The following ULK4 variants were observed in gnomAD, a reference collection of about 807,000 sequenced individuals.
ULK4 encodes the protein inactive serine/threonine-protein kinase ULK4.
In ULK4, 133 loss-of-function variants were observed where a neutral mutation model predicts 160.6. The ratio of observed to expected loss-of-function variants is 0.83; its 90% CI spans 0.72 to 0.96. The LOEUF (loss-of-function observed/expected upper bound fraction) is 0.96. Ranked by LOEUF, ULK4 falls within the 40% of genes least tolerant of loss-of-function variation. ULK4 has a pLI of 0.00. For missense variants in ULK4, 1,580 were observed against 1,499.5 expected (o/e 1.05, Z -0.89); for synonymous variants, 534 against 539.8 (o/e 0.99, Z 0.15).
intron 17 of ULK4, chr3:41,882,120 T>C (rs1178235725): frequency 1.5e-6 from 1 of 688,042 alleles, no homozygotes; most frequent in African/African-American, 1.8e-5. Flanking sequence ...AAACACACCA[T>C]CTTCCAGGCA....
At chr3:41,604,305 T>C (rs2032262562) in intron 31 of ULK4, among the ~76,000 whole-genome samples, 1 of 152,098 alleles carries the variant, frequency 6.6e-6, no homozygotes, top group South Asian at 2.1e-4. Flanking sequence ...TGGGACTTTA[T>C]GATACATGTA....
chr3:41,735,864 CCA>C (rs1491525709), intron 22 of ULK4, among the ~76,000 whole-genome samples: 1 of 118,122 alleles, frequency 8.5e-6, no homozygotes, highest in Non-Finnish European at 1.7e-5. Flanking sequence ...ACAACAGTCC[CCA>C]GAGTGTGATG....
intron 35 of ULK4, among the ~76,000 whole-genome samples, chr3:41,290,955 C>G (rs1205782164): frequency 6.6e-6 from 1 of 152,236 alleles, no homozygotes; most frequent in African/African-American, 2.4e-5. Context: ...ACAACACAGG[C>G]AGTTGCCTGG....
intron 35 of ULK4, among the ~76,000 whole-genome samples, chr3:41,373,524 T>C (rs146031625): frequency 4.7e-4 from 71 of 152,314 alleles, no homozygotes; most frequent in African/African-American, 1.7e-3. Context: ...AACAACATGC[T>C]CCTGAATGAC....
chr3:41,390,496 G>C (rs1054563899), intron 35 of ULK4, among the ~76,000 whole-genome samples: 1 of 151,748 alleles, frequency 6.6e-6, no homozygotes, highest in Non-Finnish European at 1.5e-5. Flanking sequence ...TTTCTCTTAC[G>C]GGCATTTAGT....
chr3:41,263,173 T>A (rs956175529), intron 35 of ULK4, among the ~76,000 whole-genome samples: 1 of 152,252 alleles, frequency 6.6e-6, no homozygotes, highest in African/African-American at 2.4e-5. Context: ...CAAAGTGGGA[T>A]AGCTTCGGTC....
At chr3:41,622,669 T>C (rs1256310483) in intron 30 of ULK4, among the ~76,000 whole-genome samples, 1 of 152,080 alleles carries the variant, frequency 6.6e-6, no homozygotes, top group African/African-American at 2.4e-5. Flanking sequence ...AAAACCGAGA[T>C]GATGGGTTGA....
intron 32 of ULK4, among the ~76,000 whole-genome samples, chr3:41,479,993 G>A (rs757307298): frequency 6.6e-6 from 1 of 152,056 alleles, no homozygotes; most frequent in African/African-American, 2.4e-5. Flanking sequence ...GGATCGAGAG[G>A]TCAGGAGATC....
chr3:41,522,821 G>GGCCAGCTGTGT (rs1343737254), intron 32 of ULK4, among the ~76,000 whole-genome samples: 1 of 152,170 alleles, frequency 6.6e-6, no homozygotes, highest in Non-Finnish European at 1.5e-5. Flanking sequence ...CAGGGAACTT[G>GGCCAGCTGTGT]GCCAGCTGTG....
chr3:41,269,473 AG>A (rs1378139295), intron 35 of ULK4, among the ~76,000 whole-genome samples: 1 of 152,096 alleles, frequency 6.6e-6, no homozygotes, highest in Non-Finnish European at 1.5e-5. Context: ...CATGATCCAA[AG>A]GCTCCCTTAA....
chr3:41,785,402 A>G (rs920351542), intron 21 of ULK4, among the ~76,000 whole-genome samples: 2 of 152,220 alleles, frequency 1.3e-5, no homozygotes, highest in African/African-American at 4.8e-5. Flanking sequence ...ATAAACCAAC[A>G]TGTTAACAAA....
chr3:41,602,897 G>A (rs1397387278), intron 31 of ULK4, among the ~76,000 whole-genome samples: 2 of 151,872 alleles, frequency 1.3e-5, no homozygotes, highest in Admixed American at 6.6e-5. Context: ...TCTAAAAAAC[G>A]TTCATGTAAT....
In ULK4 at chr3:41,911,395, G is replaced by A. The variant is rs2148803147; in HGVS notation, c.1016-9C>T. On this transcript the variant is annotated splice_polypyrimidine_tract_variant and intron_variant, in intron 10 of 36. Coordinates refer to ENST00000301831, the MANE Select transcript of ULK4 (RefSeq NM_017886.4). ...AAACTCAGTTGGATTTTCTGTAGCA[G>A]GAAAGTAATATGTTATCCAGAAAAG... 4 of 1,613,898 alleles carry A rather than the reference G, an allele frequency of 2.5e-6. No individual in the cohort carries two copies. The highest frequency in any genetic ancestry group is 2.5e-6 in the Non-Finnish European group (3 of 1,179,858).
At chr3:41,438,826 G>A (rs998123310) in intron 34 of ULK4, among the ~76,000 whole-genome samples, 3 of 151,832 alleles carry the variant, frequency 2.0e-5, no homozygotes, top group Admixed American at 6.6e-5. Flanking sequence ...TGAGATCCCC[G>A]ACTCAAGAAA....
At chr3:41,550,075 T>C (rs2087005331) in intron 32 of ULK4, among the ~76,000 whole-genome samples, 1 of 151,908 alleles carries the variant, frequency 6.6e-6, no homozygotes, top group African/African-American at 2.4e-5. Context: ...ATCCTACATA[T>C]GAGAGGGAAA....
At chr3:41,499,397 CA>C (rs1036021767) in intron 32 of ULK4, among the ~76,000 whole-genome samples, 51 of 152,252 alleles carry the variant, frequency 3.3e-4, no homozygotes, top group African/African-American at 1.0e-3. Flanking sequence ...TAAATATTTG[CA>C]AAACCTCCAA....
chr3:41,629,695 A>C (rs1445575993), intron 30 of ULK4, among the ~76,000 whole-genome samples: 4 of 152,190 alleles, frequency 2.6e-5, no homozygotes, highest in Non-Finnish European at 5.9e-5. Context: ...GAAAAATTTA[A>C]AACTGCTTCT....
chr3:41,845,724 CTAT>C (rs2042055103), intron 17 of ULK4, among the ~76,000 whole-genome samples: 1 of 152,022 alleles, frequency 6.6e-6, no homozygotes, highest in Non-Finnish European at 1.5e-5. Context: ...CAGAGAGAAA[CTAT>C]TATTATTCTA....
chr3:41,495,809 C>G (rs1213262654), intron 32 of ULK4, among the ~76,000 whole-genome samples: 4 of 151,550 alleles, frequency 2.6e-5, no homozygotes, highest in Non-Finnish European at 4.4e-5. Context: ...ATTTACGCAG[C>G]CAAAAGACAC....
Sources: allele counts gnomAD v4.1 joint callset (sites outside exome capture counted in the v4.1 genomes callset), GRCh38; gene constraint gnomAD v4.1.1; transcripts MANE v1.5; gene names NCBI Gene and HGNC (gene_info 2026-07-23, HGNC 2026-07-21).